The following MLLT3 variants were observed in gnomAD, a reference collection of about 807,000 sequenced individuals.
The protein encoded by MLLT3 is protein AF-9.
Under a neutral mutation model 53.2 loss-of-function variants are expected in MLLT3, and 4 were observed. The observed-to-expected ratio is 0.08, with a 90% CI of 0.04 to 0.17. The LOEUF is 0.17. MLLT3 is among the 10% of genes least tolerant of loss of function. The pLI, the probability that MLLT3 is intolerant of heterozygous loss-of-function variation, is 1.00. For missense variants in MLLT3, 569 were observed against 684.0 expected (o/e 0.83, Z 1.87); for synonymous variants, 283 against 230.6 (o/e 1.23, Z -2.06).
At chr9:20,387,306 G>C (rs1413545322) in intron 5 of MLLT3, among the ~76,000 whole-genome samples, 1 of 152,178 alleles carries the variant, frequency 6.6e-6, no homozygotes, top group East Asian at 1.9e-4. Flanking sequence ...TGGTTCACAG[G>C]CTGTTTTTGC....
rs369746817 is a variant in MLLT3, at chr9:20,377,255, A to G, written c.1126-11511T>C. ...AGATCTTGAGATTATTGTCAGAACT[A>G]TTCAGTTACTTGTGAAGTAACCCTC... is the stretch of plus-strand genomic sequence containing the variant. On this transcript the variant is annotated intron_variant, in intron 5 of 10. Coordinates refer to ENST00000380338, the MANE Select transcript of MLLT3 (RefSeq NM_004529.4). Among the ~76,000 whole-genome samples, 6 of 152,184 alleles carry G rather than the reference A, an allele frequency of 3.9e-5. No homozygotes were observed. The East Asian group carries it at 1.2e-3, about 29-fold the overall frequency.
intron 10 of MLLT3, among the ~76,000 whole-genome samples, chr9:20,349,172 T>C (rs750812244): frequency 6.6e-6 from 1 of 152,222 alleles, no homozygotes; most frequent in Non-Finnish European, 1.5e-5. Flanking sequence ...AAGTTCTGAC[T>C]CTGCAAACTT....
intron 2 of MLLT3, among the ~76,000 whole-genome samples, chr9:20,474,401 C>G (rs1011380472): frequency 6.6e-6 from 1 of 152,028 alleles, no homozygotes; most frequent in Non-Finnish European, 1.5e-5. Flanking sequence ...GACTAGCTGA[C>G]CCACAATTAA....
intron 2 of MLLT3, among the ~76,000 whole-genome samples, chr9:20,549,913 T>C (rs1339753730): frequency 2.6e-5 from 4 of 152,176 alleles, no homozygotes; most frequent in African/African-American, 9.7e-5. Flanking sequence ...TCCAACCAAA[T>C]TAGGAAATTC....
chr9:20,538,931 T>C (rs571276942), intron 2 of MLLT3, among the ~76,000 whole-genome samples: 20 of 152,380 alleles, frequency 1.3e-4, no homozygotes, highest in Admixed American at 4.6e-4. Flanking sequence ...GATAGCATTA[T>C]GTGTTTAAAA....
intron 2 of MLLT3, among the ~76,000 whole-genome samples, chr9:20,528,940 T>C (rs996561706): frequency 2.0e-5 from 3 of 152,100 alleles, no homozygotes; most frequent in Non-Finnish European, 4.4e-5. Context: ...GTAGACAGGG[T>C]AGGGAATTTT....
At chr9:20,482,841 C>T (rs1034920639) in intron 2 of MLLT3, among the ~76,000 whole-genome samples, 9 of 152,154 alleles carry the variant, frequency 5.9e-5, no homozygotes, top group Non-Finnish European at 1.0e-4. Flanking sequence ...TCTGTCCTTG[C>T]CATTTACTTA....
intron 2 of MLLT3, among the ~76,000 whole-genome samples, chr9:20,521,094 G>GTCTTTTTTTTTTAA (rs1260725464): frequency 5.3e-5 from 8 of 150,088 alleles, no homozygotes; most frequent in Non-Finnish European, 1.2e-4. Flanking sequence ...TTTTAAAGGA[G>GTCTTTTTTTTTTAA]AGAGTCTTGC....
intron 2 of MLLT3, chr9:20,533,298 A>C (rs1466436173): frequency 9.1e-6 from 3 of 328,512 alleles, no homozygotes; most frequent in African/African-American, 6.4e-5. Context: ...TGCCAAGCTC[A>C]AAAAGGCAAA....
intron 2 of MLLT3, among the ~76,000 whole-genome samples, chr9:20,563,820 G>A (rs898759262): frequency 1.3e-5 from 2 of 152,062 alleles, no homozygotes; most frequent in Non-Finnish European, 2.9e-5. Flanking sequence ...ATAAGAAAAA[G>A]GAAAGTGAGT....
At chr9:20,515,107 C>T (rs1031988108) in intron 2 of MLLT3, among the ~76,000 whole-genome samples, 3 of 151,892 alleles carry the variant, frequency 2.0e-5, no homozygotes, top group South Asian at 2.1e-4. Flanking sequence ...CCACCACGCC[C>T]GGCTAATTTT....
intron 2 of MLLT3, among the ~76,000 whole-genome samples, chr9:20,531,938 T>C (rs984525181): frequency 6.6e-6 from 1 of 151,940 alleles, no homozygotes; most frequent in Admixed American, 6.6e-5. Context: ...AGCTAAAAAT[T>C]TTCATTTTAG....
At chr9:20,525,992 A>G (rs1451524170) in intron 2 of MLLT3, among the ~76,000 whole-genome samples, 1 of 152,202 alleles carries the variant, frequency 6.6e-6, no homozygotes, top group East Asian at 1.9e-4. Context: ...GACAAGGTAG[A>G]AAGGGTGGTG....
In MLLT3 at chr9:20,406,673, T is replaced by C. The variant is rs115603895; in HGVS notation, c.1125+7048A>G. On this transcript the variant is annotated intron_variant, in intron 5 of 10. Coordinates refer to ENST00000380338, the MANE Select transcript of MLLT3 (RefSeq NM_004529.4). Reference sequence around the variant, plus strand: ...GTAATACCTGAGGGACCCATATATGTATTTTCCTTCTATGACCGTGAAAGG... The same window carrying C: ...GTAATACCTGAGGGACCCATATATGCATTTTCCTTCTATGACCGTGAAAGG... 3.5e-3 allele frequency among the ~76,000 whole-genome samples: 527 copies of C among 152,340 alleles called. 2 individuals are homozygous for C. The highest frequency in any genetic ancestry group is 0.012 in the African/African-American group (513 of 41,572).
intron 6 of MLLT3, among the ~76,000 whole-genome samples, chr9:20,364,541 C>G (rs1821402401): frequency 6.6e-6 from 1 of 152,194 alleles, no homozygotes; most frequent in South Asian, 2.1e-4. Flanking sequence ...ACAGGGATAT[C>G]TGAGCTATTA....
rs541180760 is a variant in MLLT3 at position 20,348,687 on chromosome 9, T to C, written c.1576-2113A>G. 3.9e-5 allele frequency among the ~76,000 whole-genome samples: 6 copies of C among 152,340 alleles called. No homozygotes were observed. In the East Asian group the frequency reaches 1.2e-3, roughly 29 times the overall value. On this transcript the variant is annotated intron_variant, in intron 10 of 10. Transcript: ENST00000380338. ...CATCAAGAAATTCTTAGAAGGAGTG[T>C]ACCCAATTATGGTTAAAGTGCTACA...
chr9:20,490,814 C>T (rs999799143), intron 2 of MLLT3, among the ~76,000 whole-genome samples: 2 of 152,132 alleles, frequency 1.3e-5, no homozygotes, highest in African/African-American at 4.8e-5. Flanking sequence ...TATCATCCTC[C>T]ATTTTACACA....
chr9:20,378,575 T>C (rs1026016269), intron 5 of MLLT3, among the ~76,000 whole-genome samples: 4 of 152,066 alleles, frequency 2.6e-5, no homozygotes, highest in Non-Finnish European at 5.9e-5. Context: ...CAAAATACTT[T>C]ACATAATCCC....
At chr9:20,385,735 G>A (rs1026617607) in intron 5 of MLLT3, among the ~76,000 whole-genome samples, 7 of 152,176 alleles carry the variant, frequency 4.6e-5, no homozygotes, top group African/African-American at 1.7e-4. Context: ...GTGGGGTAGG[G>A]GAGACACTAT....
Sources: allele counts gnomAD v4.1 joint callset (sites outside exome capture counted in the v4.1 genomes callset), GRCh38; gene constraint gnomAD v4.1.1; transcripts MANE v1.5; gene names NCBI Gene and HGNC (gene_info 2026-07-23, HGNC 2026-07-21).